The following RNPS1 variants were observed in gnomAD, a reference collection of about 807,000 sequenced individuals.
RNPS1 encodes the protein RNA-binding protein with serine-rich domain 1.
For missense variants in RNPS1, 300 were observed against 427.6 expected, an observed-to-expected ratio of 0.70 and a Z score of 2.63; for synonymous variants, 147 against 150.0, an observed-to-expected ratio of 0.98 and a Z score of 0.15.
chr16:2,267,321 T>A, intron 1 of RNPS1: 11 of 984,668 alleles, frequency 1.1e-5, no homozygotes, highest in Non-Finnish European at 1.3e-5. Context: ...ACCTTCCCCA[T>A]TTAAAAGTAC....
chr16:2,255,100 C>G (rs1361274484), intron 7 of RNPS1, among the ~76,000 whole-genome samples: 1 of 152,202 alleles, frequency 6.6e-6, no homozygotes, highest in African/African-American at 2.4e-5. Flanking sequence ...GCCCTGAGCT[C>G]TTGGGAACGG....
Position 2,253,733 on chromosome 16 carries a change from G to C in RNPS1, c.*231C>G, listed in dbSNP as rs561792684. Reference sequence around the variant, plus strand: ...GAACTGACTCTTAGAAACCGGAAACGGATGAGCTTTCTAGCCAGAAAACCG... The same window carrying C: ...GAACTGACTCTTAGAAACCGGAAACCGATGAGCTTTCTAGCCAGAAAACCG... On this transcript the variant is annotated 3_prime_UTR_variant, in exon 8 of 8. Coordinates refer to ENST00000320225, the MANE Select transcript of RNPS1 (RefSeq NM_080594.4). 1 of 645,740 alleles carries C rather than the reference G, an allele frequency of 1.5e-6. No individual in the cohort carries two copies. Among genetic ancestry groups the C allele is most frequent in the Non-Finnish European group, 2.8e-6 (1 of 357,030 alleles). The allele number at this position is 645,740 out of a possible 1,614,324, so 40.0% of individuals were successfully genotyped here.
At chr16:2,265,057 T>C (rs931054681) in intron 1 of RNPS1, 1 of 177,998 alleles carries the variant, frequency 5.6e-6, no homozygotes, top group Non-Finnish European at 1.2e-5. Flanking sequence ...ACCCACAAGT[T>C]TGATGAGCCC....
rs2093607385 is a variant in RNPS1 at position 2,262,547 on chromosome 16, G to A, written c.523-116C>T. On this transcript the variant is annotated intron_variant, in intron 5 of 7. Coordinates refer to ENST00000320225, the MANE Select transcript of RNPS1 (RefSeq NM_080594.4). ...CAGGGTAAAACATTCCATCTGATGA[G>A]TACCAGTGTTGTTCTGGGATAAATC... 8.8e-6 allele frequency: 10 copies of A among 1,135,524 alleles called. No individual in the cohort carries two copies. The East Asian group carries it at 2.4e-4, about 27-fold the overall frequency. 70.3% of individuals were successfully genotyped at this position (1,135,524 alleles called of 1,614,324 possible). A position where few individuals can be genotyped will look rare whatever the true frequency, so the allele number is the denominator to read the frequency against.
intron 6 of RNPS1, chr16:2,257,211 T>C (rs1460536118): frequency 6.6e-6 from 1 of 152,036 alleles, no homozygotes; most frequent in Non-Finnish European, 1.5e-5. Flanking sequence ...CCTCAAGAAT[T>C]GTCTGGTAGC....
In RNPS1 at chr16:2,264,258, T is replaced by C. The variant is rs529721049; in HGVS notation, c.145A>G (p.Thr49Ala). Reference protein sequence around the residue: ...SKDRSKDKGATKESSEKDRGR... With the variant: ...SKDRSKDKGAAKESSEKDRGR... ...CGATCCTTCTCACTCGACTCCTTGG[T>C]GGCCCCTTTATCTTTTGAGCGATCC... The change falls in exon 3 of 8, where the codon ACC becomes GCC. Residue 49 changes from threonine to alanine, a missense_variant. Thr to Ala is a moderately conservative substitution (Grantham distance 58, BLOSUM62 0). Transcript: ENST00000320225. 1.2e-6 allele frequency: 2 copies of C among 1,614,176 alleles called. No homozygotes were observed. The highest frequency in any genetic ancestry group is 1.3e-5 in the African/African-American group (1 of 75,028).
chr16:2,254,724 C>T (rs761495286), intron 7 of RNPS1, among the ~76,000 whole-genome samples: 10 of 148,554 alleles, frequency 6.7e-5, no homozygotes, highest in Non-Finnish European at 1.2e-4. Context: ...TGCTACCACA[C>T]GTGGCAAAGT....
At chr16:2,266,087 A>G in intron 1 of RNPS1, 2 of 983,430 alleles carry the variant, frequency 2.0e-6, no homozygotes, top group Non-Finnish European at 2.4e-6. Context: ...TCAGGAATGG[A>G]GTCTCAGCTA....
intron 4 of RNPS1, 40 bp downstream of exon 4, chr16:2,263,056 C>G (rs1461286059): frequency 1.3e-6 from 2 of 1,597,366 alleles, no homozygotes; most frequent in Non-Finnish European, 1.7e-6. Flanking sequence ...TCTGTAGCCC[C>G]GAGCTTGTAA....
intron 1 of RNPS1, chr16:2,267,338 G>C: frequency 3.0e-6 from 3 of 984,902 alleles, no homozygotes; most frequent in Non-Finnish European, 3.6e-6. Context: ...GTACATTTCA[G>C]GCACAGTTCA....
At chr16:2,265,360 T>G (rs2093620879) in intron 1 of RNPS1, 1 of 152,178 alleles carries the variant, frequency 6.6e-6, no homozygotes, top group Non-Finnish European at 1.5e-5. Context: ...ATATGCATAT[T>G]GAGTGCAGGG....
intron 7 of RNPS1, among the ~76,000 whole-genome samples, chr16:2,254,613 TG>T (rs2093568698): frequency 6.6e-6 from 1 of 150,686 alleles, no homozygotes; most frequent in African/African-American, 2.4e-5. Flanking sequence ...TTATATTTTT[TG>T]TACGGATGGG....
chr16:2,267,376 C>A, intron 1 of RNPS1: 1 of 984,332 alleles, frequency 1.0e-6, no homozygotes, highest in Non-Finnish European at 1.2e-6. Flanking sequence ...AAGCCTACTC[C>A]ACGTTTCTCC....
intron 1 of RNPS1, chr16:2,266,477 T>A (rs891469411): frequency 1.1e-6 from 1 of 950,984 alleles, no homozygotes; most frequent in African/African-American, 1.8e-5. Flanking sequence ...TTTAGACAAG[T>A]CACTTATCCT....
rs1261726850 is a variant in RNPS1, at chr16:2,263,246, C to G, written c.269G>C (p.Ser90Thr). ...SSTSSSGSST[S>T]TGSSSGSSSS... ...GCTGGAGCCACTGCTTGAGCCAGTG[C>G]TGGTGCTGGAGCCTGAGCTGGAAGT... The change falls in exon 4 of 8, where the codon AGC becomes ACC. Residue 90 changes from serine (S) to threonine (T), a missense_variant. Transcript: ENST00000320225. 6.2e-7 allele frequency: 1 copy of G among 1,613,542 alleles called. No individual in the cohort carries two copies. Among genetic ancestry groups the G allele is most frequent in the Non-Finnish European group, 8.5e-7 (1 of 1,179,790 alleles).
chr16:2,254,963 C>T (rs986044678), intron 7 of RNPS1, among the ~76,000 whole-genome samples: 16 of 152,044 alleles, frequency 1.1e-4, no homozygotes, highest in African/African-American at 2.4e-4. Flanking sequence ...AGGGTGGTCT[C>T]GATCTCCTAA....
intron 2 of RNPS1, 56 bp downstream of exon 2, chr16:2,264,517 G>T: frequency 6.4e-7 from 1 of 1,570,942 alleles, no homozygotes. Context: ...CTTTCTGCGG[G>T]TCCCTAGCAG....
At chr16:2,264,947 A>C (rs550913612) in intron 1 of RNPS1, 187 bp from the exon 2 acceptor site, 9 of 325,098 alleles carry the variant, frequency 2.8e-5, no homozygotes, top group South Asian at 1.1e-4. Context: ...CCCGCAGAGG[A>C]GGCACAGGTA....
intron 6 of RNPS1, 151 bp downstream of exon 6, chr16:2,262,127 G>T: frequency 1.5e-6 from 1 of 659,386 alleles, no homozygotes; most frequent in Non-Finnish European, 2.5e-6. Context: ...ACCTCAGTTT[G>T]GTCCAGGAAC....
Sources: allele counts gnomAD v4.1 joint callset (sites outside exome capture counted in the v4.1 genomes callset), GRCh38; gene constraint gnomAD v4.1.1; transcripts MANE v1.5; gene names NCBI Gene and HGNC (gene_info 2026-07-23, HGNC 2026-07-21).